Variants in TPTE observed in about 807,000 individuals in gnomAD.
TPTE encodes putative tyrosine-protein phosphatase TPTE.
A neutral mutation model predicts 84.1 loss-of-function variants in TPTE; 59 were observed. That is an observed-to-expected ratio of 0.70 (90% CI 0.57 to 0.87). The LOEUF (loss-of-function observed/expected upper bound fraction) is 0.87. TPTE is among the 40% of genes least tolerant of loss of function. The pLI is 0.00. For missense variants in TPTE, 382 were observed against 659.6 expected (o/e 0.58, Z 4.61); for synonymous variants, 130 against 223.5 (o/e 0.58, Z 3.73).
chr21:10,531,188 G>A (rs1361004731), intron 3 of TPTE, among the ~76,000 whole-genome samples: 2 of 152,310 alleles, frequency 1.3e-5, no homozygotes, highest in Non-Finnish European at 1.5e-5. Context: ...TTGGAGATTT[G>A]TACCCCCAAA....
intron 7 of TPTE, among the ~76,000 whole-genome samples, chr21:10,551,293 G>C (rs2074568270): frequency 1.3e-5 from 2 of 151,390 alleles, no homozygotes; most frequent in East Asian, 4.0e-4. Context: ...TTGTTGGGTA[G>C]GGGGAGGGGG....
At chr21:10,601,023 T>TA (rs1978423655) in intron 21 of TPTE, among the ~76,000 whole-genome samples, 1 of 152,296 alleles carries the variant, frequency 6.6e-6, no homozygotes, top group South Asian at 2.1e-4. Flanking sequence ...ATTCAGAAAA[T>TA]AAAAAACCGT....
chr21:10,585,582 C>T (rs2075349897), intron 17 of TPTE, among the ~76,000 whole-genome samples: 1 of 152,282 alleles, frequency 6.6e-6, no homozygotes, highest in South Asian at 2.1e-4. Flanking sequence ...TTTCCTTTCT[C>T]ATAGTTTTTT....
At chr21:10,599,207 C>T (rs555232173) in intron 21 of TPTE, among the ~76,000 whole-genome samples, 70 of 152,334 alleles carry the variant, frequency 4.6e-4, no homozygotes, top group African/African-American at 1.7e-3. Context: ...CCCCTAAATC[C>T]AGTTAGTCAT....
At chr21:10,561,638 A>T (rs1170628475) in intron 10 of TPTE, among the ~76,000 whole-genome samples, 1 of 152,306 alleles carries the variant, frequency 6.6e-6, no homozygotes, top group Non-Finnish European at 1.5e-5. Context: ...CCATGGATTG[A>T]TGCTCCTCTG....
At chr21:10,533,941 T>C (rs2074224525) in intron 3 of TPTE, among the ~76,000 whole-genome samples, 1 of 152,430 alleles carries the variant, frequency 6.6e-6, no homozygotes, top group South Asian at 2.1e-4. Flanking sequence ...GGAAGTGAGG[T>C]CCAGAAACAG....
chr21:10,535,774 A>G (rs1288055283), intron 3 of TPTE, among the ~76,000 whole-genome samples: 3 of 152,300 alleles, frequency 2.0e-5, no homozygotes, highest in African/African-American at 2.4e-5. Flanking sequence ...CTAGCGTTCT[A>G]CCACCATGTG....
At chr21:10,577,808 TTC>T (rs1467500567) in intron 15 of TPTE, among the ~76,000 whole-genome samples, 2 of 152,062 alleles carry the variant, frequency 1.3e-5, no homozygotes, top group Non-Finnish European at 2.9e-5. Flanking sequence ...AGGAAAATCT[TTC>T]TGTTTTTCTT....
intron 3 of TPTE, among the ~76,000 whole-genome samples, chr21:10,529,506 G>A (rs1261310607): frequency 6.6e-6 from 1 of 152,280 alleles, no homozygotes; most frequent in African/African-American, 2.4e-5. Flanking sequence ...CTTTCTTATT[G>A]TTAAGTTATT....
chr21:10,577,704 G>T (rs1224125283), intron 15 of TPTE, among the ~76,000 whole-genome samples, 184 bp downstream of exon 15: 5 of 152,294 alleles, frequency 3.3e-5, no homozygotes, highest in South Asian at 2.1e-4. Flanking sequence ...GCAGCACAAA[G>T]TACCGTATGA....
At chr21:10,550,733 C>T (rs2074557248) in intron 7 of TPTE, among the ~76,000 whole-genome samples, 1 of 152,308 alleles carries the variant, frequency 6.6e-6, no homozygotes, top group Non-Finnish European at 1.5e-5. Context: ...TTAAACTCCA[C>T]CATAGACCAA....
At chr21:10,545,883 C>G (rs1265832434) in intron 7 of TPTE, among the ~76,000 whole-genome samples, 1 of 151,826 alleles carries the variant, frequency 6.6e-6, no homozygotes, top group East Asian at 1.9e-4. Flanking sequence ...CATCAGTAGT[C>G]ATGTATATAT....
chr21:10,605,405 T>G lies in TPTE; in HGVS notation c.1521-12T>G. 1 of 1,612,732 alleles carries G rather than the reference T, an allele frequency of 6.2e-7. No homozygotes were observed. The highest frequency in any genetic ancestry group is 8.5e-7 in the Non-Finnish European group (1 of 1,179,450). On this transcript the variant is annotated splice_polypyrimidine_tract_variant and intron_variant, in intron 23 of 23. Coordinates refer to ENST00000618007, the MANE Select transcript of TPTE (RefSeq NM_199261.4). ...CCCAATATAAAATGTAATAATTTTTTTCTATTCTTAGGCTTTATCTACCAA... is the reference window on the plus strand; with the variant it reads ...CCCAATATAAAATGTAATAATTTTTGTCTATTCTTAGGCTTTATCTACCAA...
intron 3 of TPTE, among the ~76,000 whole-genome samples, chr21:10,535,064 T>C (rs1161166074): frequency 1.3e-5 from 2 of 152,304 alleles, no homozygotes; most frequent in Non-Finnish European, 2.9e-5. Flanking sequence ...AAGAATCTGT[T>C]TGATACCTCT....
At chr21:10,545,655 T>A (rs1396862788) in intron 7 of TPTE, among the ~76,000 whole-genome samples, 1 of 150,136 alleles carries the variant, frequency 6.7e-6, no homozygotes, top group African/African-American at 2.5e-5. Flanking sequence ...CACACACATA[T>A]AACACACATG....
At chr21:10,527,172 G>C (rs201987283) in intron 2 of TPTE, among the ~76,000 whole-genome samples, 183 bp from the exon 3 acceptor site, 1,011 of 125,464 alleles carry the variant, frequency 8.1e-3, no homozygotes, top group African/African-American at 0.037. Flanking sequence ...CACACACACA[G>C]ACACACACAC....
intron 20 of TPTE, 65 bp from the exon 21 acceptor site, chr21:10,597,950 T>C (rs1238478479): frequency 5.5e-5 from 87 of 1,574,802 alleles, no homozygotes; most frequent in Non-Finnish European, 7.6e-5. Context: ...ATGATGTTAA[T>C]TGGTGAGACA....
chr21:10,552,983 GT>G (rs1329695498), intron 8 of TPTE, among the ~76,000 whole-genome samples: 2 of 152,262 alleles, frequency 1.3e-5, no homozygotes, highest in Admixed American at 6.5e-5. Flanking sequence ...TCCATTAAAA[GT>G]TTTTTTTAAA....
chr21:10,560,799 TGTGAA>T (rs2074783993), intron 9 of TPTE, among the ~76,000 whole-genome samples: 2 of 152,310 alleles, frequency 1.3e-5, no homozygotes, highest in Non-Finnish European at 2.9e-5. Context: ...TATAATATCT[TGTGAA>T]GTGGTTTGGT....
Sources: gnomAD v4.1 joint callset for allele counts (sites outside exome capture counted in the v4.1 genomes callset) on GRCh38, gnomAD v4.1.1 for gene constraint, MANE v1.5 for transcripts, NCBI Gene and HGNC (gene_info 2026-07-23, HGNC 2026-07-21) for gene names.